The following RGR variants were observed in gnomAD, a reference collection of about 807,000 sequenced individuals.
RGR encodes RPE-retinal G protein-coupled receptor.
Under a neutral mutation model 28.6 loss-of-function variants are expected in RGR, and 30 were observed. That is an observed-to-expected ratio of 1.05 (90% CI 0.78 to 1.42). The LOEUF (loss-of-function observed/expected upper bound fraction) is 1.42. RGR is among the 40% of genes most tolerant of loss of function. The probability of loss-of-function intolerance (pLI) is 0.00; values close to 1 mark genes in which losing one functional copy is unlikely to be tolerated. For missense variants in RGR, 404 were observed against 375.6 expected, an observed-to-expected ratio of 1.08 and a Z score of -0.62; for synonymous variants, 180 against 156.4, an observed-to-expected ratio of 1.15 and a Z score of -1.13.
chr10:84,250,157 A>C (rs1842797355), intron 3 of RGR, among the ~76,000 whole-genome samples: 1 of 152,136 alleles, frequency 6.6e-6, no homozygotes, highest in Non-Finnish European at 1.5e-5. Context: ...TTGCCTCGCT[A>C]CTAAGGGCAG....
In RGR at chr10:84,257,873, C is replaced by T. The variant is rs776376148; in HGVS notation, c.631-20C>T. The stretch of plus-strand genomic sequence containing the variant: ...GCCACCTGGAGCAAGCTGACATCTC[C>T]TGTGACAATTTCTCCCCAGGTAAAC... On this transcript the variant is annotated intron_variant, in intron 5 of 6. Transcript: ENST00000652092. The T allele has an allele frequency of 1.9e-6, 3 of 1,611,452 alleles. No individual in the cohort carries two copies. Among genetic ancestry groups the T allele is most frequent in the Non-Finnish European group, 2.5e-6 (3 of 1,177,982 alleles).
At chr10:84,247,780 G>A (rs766369169) in intron 2 of RGR, 33 bp downstream of exon 2, 1 of 1,613,762 alleles carries the variant, frequency 6.2e-7, no homozygotes, top group South Asian at 1.1e-5. Flanking sequence ...ACAGGCTCTG[G>A]GGTCCTGCCT....
intron 5 of RGR, among the ~76,000 whole-genome samples, chr10:84,256,012 C>T (rs1166556916): frequency 2.1e-5 from 3 of 141,468 alleles, no homozygotes; most frequent in African/African-American, 5.2e-5. Flanking sequence ...CGTGAGCTGC[C>T]GTGTCCAGCC....
chr10:84,253,495 C>G (rs934102502), intron 4 of RGR, among the ~76,000 whole-genome samples: 2 of 152,090 alleles, frequency 1.3e-5, no homozygotes, highest in African/African-American at 4.8e-5. Context: ...CATGAGGGTC[C>G]CCACCCTCAT....
intron 6 of RGR, 58 bp downstream of exon 6, chr10:84,258,064 A>G (rs1358791805): frequency 7.1e-7 from 1 of 1,403,800 alleles, no homozygotes; most frequent in East Asian, 2.3e-5. Flanking sequence ...TCTCTGTCTC[A>G]TCTCATCTCA....
chr10:84,248,717 C>T (rs1842777933), intron 2 of RGR: 2 of 805,562 alleles, frequency 2.5e-6, no homozygotes, highest in South Asian at 1.7e-5. Context: ...GTCAAAGTCA[C>T]CCAGCCTGGA....
chr10:84,248,742 C>A, intron 2 of RGR, 180 bp from the exon 3 acceptor site: 1 of 1,071,078 alleles, frequency 9.3e-7, no homozygotes, highest in Non-Finnish European at 1.4e-6. Context: ...GTGCATTGGG[C>A]TCCACCCCTT....
Position 84,255,606 on chromosome 10 carries a change from T to C in RGR, c.630+1163T>C, listed in dbSNP as rs188842285. On this transcript the variant is annotated intron_variant, in intron 5 of 6. Coordinates refer to ENST00000652092, the MANE Select transcript of RGR (RefSeq NM_001012720.2). ...TTGCCACGGTTTTATTTTAACTTGG[T>C]CACCTGGATGACCTCTAGCAAAGGA... Among the ~76,000 whole-genome samples, 17 of 152,282 alleles carry C rather than the reference T, an allele frequency of 1.1e-4. No individual in the cohort carries two copies. The East Asian group carries it at 3.3e-3, about 29-fold the overall frequency.
intron 2 of RGR, 140 bp downstream of exon 2, chr10:84,247,887 G>A (rs975653641): frequency 8.3e-7 from 1 of 1,198,212 alleles, no homozygotes; most frequent in African/African-American, 1.5e-5. Context: ...GCTAAAATGG[G>A]CTGAATTCCA....
intron 1 of RGR, among the ~76,000 whole-genome samples, chr10:84,246,985 T>C (rs986408917): frequency 1.3e-5 from 2 of 152,228 alleles, no homozygotes; most frequent in African/African-American, 4.8e-5. Context: ...GTGCTTCTCA[T>C]AGTTTTGAAG....
At chr10:84,250,420 G>A (rs1205847525) in intron 3 of RGR, 1 of 717,084 alleles carries the variant, frequency 1.4e-6, no homozygotes, top group Non-Finnish European at 2.6e-6. Context: ...CATTTTGAGT[G>A]GCGATAGGTT....
At chr10:84,258,437 G>A (rs147466224) in intron 6 of RGR, 71 bp from the exon 7 acceptor site, 3 of 1,612,698 alleles carry the variant, frequency 1.9e-6, no homozygotes, top group South Asian at 2.2e-5. Context: ...GGTGACCGGG[G>A]TCACCAGGTG....
At chr10:84,252,603 C>T (rs1271591141) in intron 3 of RGR, among the ~76,000 whole-genome samples, 2 of 152,212 alleles carry the variant, frequency 1.3e-5, no homozygotes, top group African/African-American at 4.8e-5. Flanking sequence ...AGCATCAGAG[C>T]TGGGGTTCTC....
chr10:84,247,037 G>T lies in RGR; in HGVS notation c.80-554G>T, dbSNP rs1398918670. Among the ~76,000 whole-genome samples the T allele has an allele frequency of 2.0e-5, 3 of 152,334 alleles. No individual in the cohort carries two copies. In the East Asian group the frequency reaches 5.8e-4, roughly 29 times the overall value. ...TTCCTCACTTTAGATAGGGGAAGCT[G>T]AGGTTCAGAGAGCTTAAGGAGCAGC... On this transcript the variant is annotated intron_variant, in intron 1 of 6. Transcript: ENST00000652092.
intron 6 of RGR, 146 bp from the exon 7 acceptor site, chr10:84,258,362 T>G: frequency 7.5e-7 from 1 of 1,340,122 alleles, no homozygotes; most frequent in Non-Finnish European, 1.1e-6. Context: ...GCCATGCATC[T>G]CCACCAACTA....
chr10:84,247,536 C>T, intron 1 of RGR, 55 bp from the exon 2 acceptor site: 1 of 1,607,532 alleles, frequency 6.2e-7, no homozygotes, highest in East Asian at 2.2e-5. Flanking sequence ...ACACACTGTT[C>T]TGACCCCAGC....
In RGR at chr10:84,258,699, G is replaced by A. The variant is rs1842919661; in HGVS notation, c.*60G>A. 1 of 1,610,108 alleles carries A rather than the reference G, an allele frequency of 6.2e-7. No homozygotes were observed. Among genetic ancestry groups the A allele is most frequent in the African/African-American group, 1.3e-5 (1 of 74,822 alleles). ...GCTGTTCCAGGAGTCCTGCCCAGCA[G>A]CCTCAGTGGCCAAGCCCAGACACTC... is the stretch of plus-strand genomic sequence containing the variant. On this transcript the variant is annotated 3_prime_UTR_variant, in exon 7 of 7. Transcript: ENST00000652092.
intron 5 of RGR, chr10:84,255,310 C>T (rs1187407622): frequency 6.6e-6 from 1 of 152,496 alleles, no homozygotes; most frequent in Non-Finnish European, 1.5e-5. Context: ...TGCTCAGATT[C>T]ACCCAGACCC....
rs778953239 is a variant in RGR, at chr10:84,257,929, G to A, written c.667G>A (p.Gly223Ser). ...TTLPARTLLLGWGPYAILYLY... is the reference protein window; with the variant it reads ...TTLPARTLLLSWGPYAILYLY... The stretch of plus-strand genomic sequence containing the variant: ...TCTGCCAGCAAGGACGCTGCTGCTC[G>A]GCTGGGGCCCCTATGCCATCCTGTA... The change falls in exon 6 of 7, where the codon GGC becomes AGC. Residue 223 changes from glycine to serine, a missense_variant. Gly to Ser is a moderately conservative substitution (Grantham distance 56, BLOSUM62 0). Transcript: ENST00000652092. The A allele has an allele frequency of 1.1e-5, 17 of 1,614,182 alleles. No homozygotes were observed. The highest frequency in any genetic ancestry group is 2.2e-5 in the South Asian group (2 of 91,086).
Sources: allele counts gnomAD v4.1 joint callset (sites outside exome capture counted in the v4.1 genomes callset), GRCh38; gene constraint gnomAD v4.1.1; transcripts MANE v1.5; gene names NCBI Gene and HGNC (gene_info 2026-07-23, HGNC 2026-07-21).